The following FREM1 variants were observed in gnomAD, a reference collection of about 807,000 sequenced individuals.
FREM1 encodes FRAS1 related extracellular matrix 1, also known as FRAS1-related extracellular matrix protein 1.
FREM1 carries 220 observed loss-of-function variants against 210.1 expected under a neutral mutation model. The observed-to-expected ratio is 1.05, with a 90% CI of 0.94 to 1.17. The LOEUF (loss-of-function observed/expected upper bound fraction) is 1.17. Among genes scored for constraint, FREM1 ranks in the 50% most tolerant of loss-of-function variants. The pLI is 0.00. For missense variants in FREM1, 3,454 were observed against 2,675.5 expected (o/e 1.29, Z -6.42); for synonymous variants, 1,189 against 980.2 (o/e 1.21, Z -3.98).
intron 16 of FREM1, among the ~76,000 whole-genome samples, chr9:14,810,463 T>G (rs879889283): frequency 6.6e-6 from 1 of 152,092 alleles, no homozygotes; most frequent in Non-Finnish European, 1.5e-5. Flanking sequence ...AAAAAAAAAT[T>G]TGAGGGAAGA....
chr9:14,880,377 GT>G, intron 1 of FREM1, among the ~76,000 whole-genome samples: 1 of 152,226 alleles, frequency 6.6e-6, no homozygotes, highest in Non-Finnish European at 1.5e-5. Context: ...GCCGAGGCGG[GT>G]GGATCACCTG....
At chr9:14,813,233 T>A (rs1237855793) in intron 15 of FREM1, among the ~76,000 whole-genome samples, 169 bp from the exon 16 acceptor site, 2 of 152,190 alleles carry the variant, frequency 1.3e-5, no homozygotes, top group Admixed American at 1.3e-4. Context: ...ACTTTTCCCA[T>A]GTAAACCATC....
intron 24 of FREM1, among the ~76,000 whole-genome samples, chr9:14,780,023 T>A (rs1587924883): frequency 6.6e-6 from 1 of 152,228 alleles, no homozygotes; most frequent in East Asian, 1.9e-4. Context: ...AAAAGGTCAG[T>A]GCTGTTCATG....
intron 29 of FREM1, among the ~76,000 whole-genome samples, chr9:14,752,911 G>C (rs999669210): frequency 3.3e-5 from 5 of 152,204 alleles, no homozygotes; most frequent in Admixed American, 3.3e-4. Context: ...ACCTTACGGA[G>C]TAGAACCAGA....
chr9:14,772,910 G>A (rs1044603849), intron 25 of FREM1, among the ~76,000 whole-genome samples: 5 of 152,274 alleles, frequency 3.3e-5, no homozygotes, highest in African/African-American at 1.2e-4. Context: ...AAATGAAAGT[G>A]TTACAAAAGT....
intron 16 of FREM1, among the ~76,000 whole-genome samples, chr9:14,810,357 A>T (rs1369422203): frequency 1.3e-5 from 2 of 152,232 alleles, no homozygotes; most frequent in African/African-American, 4.8e-5. Flanking sequence ...AAGCCACTAA[A>T]AAGCCTACAA....
chr9:14,870,206 G>A (rs1316197122), intron 1 of FREM1, among the ~76,000 whole-genome samples: 1 of 152,206 alleles, frequency 6.6e-6, no homozygotes, highest in African/African-American at 2.4e-5. Context: ...TTGTCAGAAG[G>A]TTGTAGAAGA....
chr9:14,762,134 A>G (rs183727881), intron 27 of FREM1, among the ~76,000 whole-genome samples: 23 of 152,328 alleles, frequency 1.5e-4, no homozygotes, highest in Admixed American at 7.2e-4. Flanking sequence ...CAAGGATATC[A>G]TAAATGCCAA....
intron 1 of FREM1, among the ~76,000 whole-genome samples, chr9:14,904,546 T>A (rs1817351787): frequency 6.6e-6 from 1 of 152,198 alleles, no homozygotes; most frequent in Non-Finnish European, 1.5e-5. Context: ...CTTTATTTTT[T>A]AAAATAGTCT....
intron 25 of FREM1, chr9:14,774,061 T>C (rs1249297418): frequency 3.9e-6 from 2 of 516,754 alleles, no homozygotes; most frequent in Non-Finnish European, 7.7e-6. Flanking sequence ...AAAGTGCTTC[T>C]TACTGTGTTC....
intron 22 of FREM1, among the ~76,000 whole-genome samples, chr9:14,790,054 T>C (rs1169655019): frequency 2.0e-5 from 3 of 152,220 alleles, no homozygotes; most frequent in Non-Finnish European, 4.4e-5. Flanking sequence ...GTAAATCATT[T>C]ACTTTTTATT....
At chr9:14,907,118 G>A (rs1250006574) in intron 1 of FREM1, among the ~76,000 whole-genome samples, 1 of 152,148 alleles carries the variant, frequency 6.6e-6, no homozygotes, top group East Asian at 1.9e-4. Context: ...AAGAACATTT[G>A]TTTAAAAATA....
At chr9:14,837,052 T>C (rs190555514) in intron 10 of FREM1, among the ~76,000 whole-genome samples, 2 of 152,180 alleles carry the variant, frequency 1.3e-5, no homozygotes, top group East Asian at 3.9e-4. Context: ...AGAAACTGGG[T>C]CCACCCAACA....
intron 3 of FREM1, 62 bp from the exon 4 acceptor site, chr9:14,859,546 T>C (rs1829425295): frequency 2.9e-6 from 4 of 1,387,636 alleles, no homozygotes; most frequent in Non-Finnish European, 3.9e-6. Context: ...GATACCCATG[T>C]ACTCAGCTGG....
At chr9:14,766,257 A>C (rs1172204302) in intron 27 of FREM1, among the ~76,000 whole-genome samples, 1 of 152,172 alleles carries the variant, frequency 6.6e-6, no homozygotes, top group African/African-American at 2.4e-5. Flanking sequence ...CTAAATCTAA[A>C]TCTTTACGCA....
intron 30 of FREM1, among the ~76,000 whole-genome samples, chr9:14,749,183 A>T (rs1174184936): frequency 6.6e-6 from 1 of 152,206 alleles, no homozygotes; most frequent in East Asian, 1.9e-4. Context: ...AAGGCATAAA[A>T]AATTTGAGGG....
At chr9:14,742,272 A>C (rs1369058991) in intron 35 of FREM1, among the ~76,000 whole-genome samples, 1 of 152,166 alleles carries the variant, frequency 6.6e-6, no homozygotes, top group African/African-American at 2.4e-5. Flanking sequence ...TTGATTAAGT[A>C]TAGGTAGACT....
At chr9:14,740,027 G>C in intron 36 of FREM1, 122 bp downstream of exon 36, 1 of 531,696 alleles carries the variant, frequency 1.9e-6, no homozygotes. Flanking sequence ...TAGATCTATT[G>C]GTTGCCTATT....
rs7032043 is a variant in FREM1, at chr9:14,807,599, T to G, written c.3088+341A>C. Among the ~76,000 whole-genome samples the G allele has an allele frequency of 5.6e-3, 859 of 152,222 alleles. 6 individuals carry two copies. Among genetic ancestry groups the G allele is most frequent in the African/African-American group, 0.019 (789 of 41,542 alleles). On this transcript the variant is annotated intron_variant, in intron 17 of 36. Transcript: ENST00000380880. ...ATTACTCTCTCTTCAGCAAGCAAATTACATTTTCCCATGTGAAATAAAATC... is the reference window on the plus strand; with the variant it reads ...ATTACTCTCTCTTCAGCAAGCAAATGACATTTTCCCATGTGAAATAAAATC...
Sources: gnomAD v4.1 joint callset for allele counts (sites outside exome capture counted in the v4.1 genomes callset) on GRCh38, gnomAD v4.1.1 for gene constraint, MANE v1.5 for transcripts, NCBI Gene and HGNC (gene_info 2026-07-23, HGNC 2026-07-21) for gene names.